The following SENP7 variants were observed in gnomAD, a reference collection of about 807,000 sequenced individuals.
The protein encoded by SENP7 is SUMO specific peptidase 7, also known as sentrin-specific protease 7.
SENP7 carries 64 observed loss-of-function variants against 141.2 expected under a neutral mutation model. The ratio of observed to expected loss-of-function variants is 0.45; its 90% confidence interval spans 0.37 to 0.56. The LOEUF (loss-of-function observed/expected upper bound fraction) is 0.56, where lower values mean the gene tolerates loss of function less well. Ranked by LOEUF, SENP7 falls within the 20% of genes least tolerant of loss-of-function variation. SENP7 has a pLI of 0.00. For missense variants in SENP7, 1,025 were observed against 1,212.2 expected (o/e 0.85, Z 2.29); for synonymous variants, 382 against 426.4 (o/e 0.90, Z 1.28).
At chr3:101,479,281 G>T (rs963537185) in intron 3 of SENP7, among the ~76,000 whole-genome samples, 2 of 152,142 alleles carry the variant, frequency 1.3e-5, no homozygotes, top group Non-Finnish European at 1.5e-5. Context: ...CAGAAGACAC[G>T]ATCTTATATT....
chr3:101,464,853 G>A (rs2063707778), intron 3 of SENP7, among the ~76,000 whole-genome samples: 1 of 152,018 alleles, frequency 6.6e-6, no homozygotes, highest in African/African-American at 2.4e-5. Context: ...AGACTAAAAA[G>A]GGGTAAGTGG....
At chr3:101,364,147 A>T (rs962339888) in intron 10 of SENP7, among the ~76,000 whole-genome samples, 2 of 152,114 alleles carry the variant, frequency 1.3e-5, no homozygotes, top group Non-Finnish European at 2.9e-5. Context: ...GGGATGCTTG[A>T]GCCCAAGAGG....
chr3:101,440,742 C>G (rs985506447), intron 4 of SENP7, among the ~76,000 whole-genome samples: 1 of 152,020 alleles, frequency 6.6e-6, no homozygotes, highest in Non-Finnish European at 1.5e-5. Flanking sequence ...ATGAATCTCC[C>G]TCTCGTATAC....
At chr3:101,438,901 C>T (rs1437746644) in intron 4 of SENP7, among the ~76,000 whole-genome samples, 2 of 150,220 alleles carry the variant, frequency 1.3e-5, no homozygotes, top group East Asian at 2.0e-4. Flanking sequence ...AAGGAGCAGC[C>T]GCCTGCCTTG....
chr3:101,510,843 CAAAA>C (rs377579284), intron 1 of SENP7, among the ~76,000 whole-genome samples: 64 of 78,350 alleles, frequency 8.2e-4, no homozygotes, highest in African/African-American at 2.9e-3. Context: ...GACTCCATCT[CAAAA>C]AAAAAAAAAA....
At chr3:101,406,225 C>T (rs1029878371) in intron 5 of SENP7, among the ~76,000 whole-genome samples, 5 of 152,272 alleles carry the variant, frequency 3.3e-5, no homozygotes, top group Admixed American at 1.3e-4. Context: ...AAATGTGGCA[C>T]ATATACACCA....
intron 1 of SENP7, among the ~76,000 whole-genome samples, chr3:101,510,898 A>C (rs2065830527): frequency 6.6e-6 from 1 of 151,838 alleles, no homozygotes; most frequent in African/African-American, 2.4e-5. Context: ...GCAACAACTT[A>C]CAATGAAATG....
chr3:101,376,483 C>T (rs2060332358), intron 6 of SENP7, among the ~76,000 whole-genome samples: 1 of 152,046 alleles, frequency 6.6e-6, no homozygotes, highest in Non-Finnish European at 1.5e-5. Context: ...GTAACATCAA[C>T]AAGTAAAGTA....
In SENP7 at chr3:101,325,827, C is replaced by T; in HGVS notation, c.*116G>A. ...CATATTTTAAATAATGTTCCAATGA[C>T]TTATTATAAAACTACTGCAAGTTAT... On this transcript the variant is annotated 3_prime_UTR_variant, in exon 24 of 24. Transcript: ENST00000394095. The T allele has an allele frequency of 1.1e-6, 1 of 909,216 alleles. No individual in the cohort carries two copies. The highest frequency in any genetic ancestry group is 2.9e-5 in the Admixed American group (1 of 35,036). 56.3% of individuals were successfully genotyped at this position (909,216 alleles called of 1,614,324 possible).
chr3:101,446,526 A>T (rs747092614), intron 4 of SENP7, among the ~76,000 whole-genome samples: 19 of 152,178 alleles, frequency 1.2e-4, no homozygotes, highest in Non-Finnish European at 2.6e-4. Context: ...ACACAAAACA[A>T]ATCTCAATAA....
intron 4 of SENP7, among the ~76,000 whole-genome samples, chr3:101,434,148 A>G (rs1001017649): frequency 6.6e-6 from 1 of 152,220 alleles, no homozygotes; most frequent in Non-Finnish European, 1.5e-5. Flanking sequence ...CTATACAAAT[A>G]TATGGAAATA....
intron 4 of SENP7, among the ~76,000 whole-genome samples, chr3:101,427,382 C>A (rs1047287143): frequency 6.6e-6 from 1 of 150,488 alleles, no homozygotes; most frequent in Admixed American, 6.7e-5. Context: ...CTCAGCTACT[C>A]GGGAAGCTAA....
intron 2 of SENP7, among the ~76,000 whole-genome samples, chr3:101,495,017 T>C (rs1291224889): frequency 6.6e-6 from 1 of 151,782 alleles, no homozygotes; most frequent in Non-Finnish European, 1.5e-5. Flanking sequence ...GGGAGAAAAA[T>C]TTGGCAGTCT....
chr3:101,333,223 C>G (rs1438288272), intron 17 of SENP7: 1 of 192,218 alleles, frequency 5.2e-6, no homozygotes, highest in African/African-American at 2.3e-5. Context: ...AATTCTCCAA[C>G]TGTTATATCT....
chr3:101,468,838 G>A (rs957454067), intron 3 of SENP7, among the ~76,000 whole-genome samples: 12 of 152,042 alleles, frequency 7.9e-5, no homozygotes, highest in African/African-American at 2.7e-4. Flanking sequence ...ATAATGACAG[G>A]ATCAAATTCA....
rs551313715 is a variant in SENP7, at chr3:101,459,218, A to G, written c.187-166T>C. On this transcript the variant is annotated intron_variant, in intron 3 of 23. Transcript: ENST00000394095. ...GAATATCTGGCTCTTTTACTAATGC[A>G]TAAATGTAAGTCCACCAAAAAATAC... Among the ~76,000 whole-genome samples the G allele has an allele frequency of 2.6e-5, 4 of 152,332 alleles. No individual in the cohort carries two copies. The East Asian group carries it at 5.8e-4, about 22-fold the overall frequency.
chr3:101,458,945 C>T lies in SENP7; in HGVS notation c.284+10G>A, dbSNP rs1471581514. 9.8e-6 allele frequency: 15 copies of T among 1,532,686 alleles called. No individual in the cohort carries two copies. In the South Asian group the frequency reaches 1.4e-4, roughly 14 times the overall value. 94.9% of individuals were successfully genotyped at this position (1,532,686 alleles called of 1,614,324 possible). ...AAGCCCATACTATGTCGCACACACA[C>T]ATATCTTACCTTTCTGGTGATGACT... On this transcript the variant is annotated intron_variant, in intron 4 of 23. Coordinates refer to ENST00000394095, the MANE Select transcript of SENP7 (RefSeq NM_020654.5).
chr3:101,371,949 T>G (rs1431488288), intron 7 of SENP7, 59 bp downstream of exon 7: 1 of 612,918 alleles, frequency 1.6e-6, no homozygotes, highest in Non-Finnish European at 2.6e-6. Context: ...ATAACAAAAA[T>G]TATTATTAAT....
chr3:101,354,145 C>T (rs2059678871), intron 11 of SENP7, among the ~76,000 whole-genome samples: 1 of 151,948 alleles, frequency 6.6e-6, no homozygotes, highest in African/African-American at 2.4e-5. Flanking sequence ...TAGGATTCTT[C>T]TCAGCCTTTG....
Sources: allele counts gnomAD v4.1 joint callset (sites outside exome capture counted in the v4.1 genomes callset), GRCh38; gene constraint gnomAD v4.1.1; transcripts MANE v1.5; gene names NCBI Gene and HGNC (gene_info 2026-07-23, HGNC 2026-07-21).